CCSER1: variants seen among roughly 807,000 people sequenced by gnomAD.
CCSER1 encodes the protein serine-rich coiled-coil domain-containing protein 1.
CCSER1 carries 41 observed loss-of-function variants against 82.0 expected under a neutral mutation model. The ratio of observed to expected loss-of-function variants is 0.50; its 90% CI spans 0.39 to 0.65. CCSER1 has a LOEUF of 0.65. Among genes scored for constraint, CCSER1 ranks in the 30% least tolerant of loss-of-function variants. The pLI, the probability that CCSER1 is intolerant of heterozygous loss-of-function variation, is 0.00. For synonymous variants in CCSER1, 414 were observed against 383.9 expected (o/e 1.08, Z -0.92); for missense variants, 1,119 against 1,064.2 (o/e 1.05, Z -0.72).
At chr4:91,190,255 G>T (rs1734889635) in intron 10 of CCSER1, among the ~76,000 whole-genome samples, 1 of 152,100 alleles carries the variant, frequency 6.6e-6, no homozygotes, top group South Asian at 2.1e-4. Flanking sequence ...CATGTTATTT[G>T]GTTTTATCTC....
intron 1 of CCSER1, among the ~76,000 whole-genome samples, chr4:90,267,012 G>A (rs1725359765): frequency 6.6e-6 from 1 of 151,926 alleles, no homozygotes. Flanking sequence ...CTCTGCCACT[G>A]TGGGGTAGAG....
In CCSER1 at chr4:90,268,891, G is replaced by A. The variant is rs1725735972; in HGVS notation, c.-41-39353G>A. ...GAAATGGAAACAAAAAAAAATAAGA[G>A]TAGCTACACTTACATCAGACAAAAT... On this transcript the variant is annotated intron_variant, in intron 1 of 10. Coordinates refer to ENST00000509176, the MANE Select transcript of CCSER1 (RefSeq NM_001145065.2). Among the ~76,000 whole-genome samples the A allele has an allele frequency of 6.6e-5, 10 of 152,038 alleles. No individual in the cohort carries two copies. In the South Asian group the frequency reaches 2.1e-3, roughly 32 times the overall value.
At chr4:91,074,067 T>G (rs774468799) in intron 9 of CCSER1, among the ~76,000 whole-genome samples, 1 of 152,190 alleles carries the variant, frequency 6.6e-6, no homozygotes, top group Non-Finnish European at 1.5e-5. Context: ...TGTCGTTCTT[T>G]GGGCCACATG....
chr4:91,216,943 G>A (rs7689578), intron 10 of CCSER1, among the ~76,000 whole-genome samples: 84,916 of 151,888 alleles, frequency 0.56, 24,243 homozygotes, highest in East Asian at 0.91. Context: ...AGGGGGTATT[G>A]TGTCCGGAAT....
intron 6 of CCSER1, among the ~76,000 whole-genome samples, chr4:90,645,571 G>C (rs990445053): frequency 2.2e-4 from 33 of 149,298 alleles, no homozygotes; most frequent in African/African-American, 7.8e-4. Context: ...ATTTGCTGTT[G>C]TTTAAATTGT....
In CCSER1 at chr4:90,631,779, A is replaced by G. The variant is rs574810540; in HGVS notation, c.1932+3547A>G. ...AAAATTTAAAGCTTTTTGAGCACTG[A>G]CGTGACACCACAAGTGGAAAATTCC... On this transcript the variant is annotated intron_variant, in intron 6 of 10. Transcript: ENST00000509176. Among the ~76,000 whole-genome samples, 7 of 152,318 alleles carry G rather than the reference A, an allele frequency of 4.6e-5. No homozygotes were observed. In the South Asian group the frequency reaches 1.5e-3, roughly 32 times the overall value.
chr4:90,362,895 A>G (rs1379978572), intron 3 of CCSER1, among the ~76,000 whole-genome samples: 1 of 152,206 alleles, frequency 6.6e-6, no homozygotes, highest in Non-Finnish European at 1.5e-5. Context: ...TTGTGTGAGT[A>G]CATTTATTTT....
At chr4:90,574,150 C>CT (rs1230873834) in intron 5 of CCSER1, among the ~76,000 whole-genome samples, 2 of 119,768 alleles carry the variant, frequency 1.7e-5, no homozygotes, top group African/African-American at 6.5e-5. Flanking sequence ...AATAGTATTT[C>CT]TTGTTTTTTT....
At chr4:90,672,392 G>T (rs918267640) in intron 6 of CCSER1, among the ~76,000 whole-genome samples, 12 of 151,934 alleles carry the variant, frequency 7.9e-5, no homozygotes, top group African/African-American at 1.2e-4. Context: ...ACCTTTGCTA[G>T]CTTCCAGTTT....
At chr4:91,371,024 G>A (rs1040990234) in intron 10 of CCSER1, among the ~76,000 whole-genome samples, 2 of 151,972 alleles carry the variant, frequency 1.3e-5, no homozygotes, top group African/African-American at 4.8e-5. Flanking sequence ...ACCACACCCA[G>A]CTAATTTTTG....
intron 1 of CCSER1, chr4:90,235,048 G>A (rs1367665104): frequency 2.0e-5 from 3 of 151,870 alleles, no homozygotes; most frequent in Non-Finnish European, 4.4e-5. Context: ...TCGAGACCGG[G>A]GCTGTGTATG....
chr4:91,043,569 C>A (rs1051890767), intron 9 of CCSER1, among the ~76,000 whole-genome samples: 1 of 146,620 alleles, frequency 6.8e-6, no homozygotes, highest in Non-Finnish European at 1.5e-5. Context: ...ATAACGCTAA[C>A]TAGCATCAGC....
chr4:90,270,979 A>C (rs1726160227), intron 1 of CCSER1, among the ~76,000 whole-genome samples: 1 of 152,176 alleles, frequency 6.6e-6, no homozygotes, highest in Admixed American at 6.5e-5. Context: ...TATTGATGAA[A>C]GAATTGGATA....
chr4:90,270,622 A>G (rs1052416922), intron 1 of CCSER1, among the ~76,000 whole-genome samples: 1 of 152,110 alleles, frequency 6.6e-6, no homozygotes, highest in Non-Finnish European at 1.5e-5. Flanking sequence ...ATTATTCAAA[A>G]TAGTACTGGA....
At chr4:90,775,288 T>C (rs1289941078) in intron 7 of CCSER1, among the ~76,000 whole-genome samples, 1 of 152,190 alleles carries the variant, frequency 6.6e-6, no homozygotes, top group Non-Finnish European at 1.5e-5. Context: ...ATAATAATAA[T>C]TATTCTTTTG....
intron 10 of CCSER1, among the ~76,000 whole-genome samples, chr4:91,412,997 G>C (rs944646026): frequency 6.6e-6 from 1 of 151,734 alleles, no homozygotes; most frequent in East Asian, 1.9e-4. Context: ...AAAAATGCAT[G>C]AACAAAGTAA....
At chr4:91,300,976 C>T (rs936797232) in intron 10 of CCSER1, among the ~76,000 whole-genome samples, 1 of 151,818 alleles carries the variant, frequency 6.6e-6, no homozygotes, top group African/African-American at 2.4e-5. Context: ...TTGCTACTCA[C>T]TTTATCCTAA....
Position 90,565,468 on chromosome 4 carries a change from C to A in CCSER1, c.1725-62557C>A, listed in dbSNP as rs149897653. ...TTATGTTTTCTGCACACAGAGAGAA[C>A]TTAACTTCTTTCTTTCCAATTTAGA... is the stretch of plus-strand genomic sequence containing the variant. On this transcript the variant is annotated intron_variant, in intron 5 of 10. Coordinates refer to ENST00000509176, the MANE Select transcript of CCSER1 (RefSeq NM_001145065.2). 4.9e-3 allele frequency among the ~76,000 whole-genome samples: 740 copies of A among 152,248 alleles called. 9 individuals carry two copies. Among genetic ancestry groups the A allele is most frequent in the African/African-American group, 0.017 (708 of 41,548 alleles).
chr4:90,565,130 A>T (rs1172159369), intron 5 of CCSER1, among the ~76,000 whole-genome samples: 1 of 151,898 alleles, frequency 6.6e-6, no homozygotes, highest in Admixed American at 6.5e-5. Flanking sequence ...TGCTTTAATA[A>T]TATTAATATT....
Sources: gnomAD v4.1 joint callset for allele counts (sites outside exome capture counted in the v4.1 genomes callset) on GRCh38, gnomAD v4.1.1 for gene constraint, MANE v1.5 for transcripts, NCBI Gene and HGNC (gene_info 2026-07-23, HGNC 2026-07-21) for gene names.